The following GLIS3 variants were observed in gnomAD, a reference collection of about 807,000 sequenced individuals.
GLIS3 encodes the protein GLIS family zinc finger 3.
In GLIS3, 53 loss-of-function variants were observed where a neutral mutation model predicts 78.6. That is an observed-to-expected ratio of 0.67 (90% CI 0.54 to 0.85). The LOEUF is 0.85. GLIS3 is among the 40% of genes least tolerant of loss of function. The probability of loss-of-function intolerance (pLI) is 0.00; values close to 1 mark genes in which losing one functional copy is unlikely to be tolerated. For synonymous variants in GLIS3, 684 were observed against 509.9 expected (o/e 1.34, Z -4.60); for missense variants, 1,703 against 1,231.1 (o/e 1.38, Z -5.74).
chr9:4,386,878 G>T, the GLIS3 span, among the ~76,000 whole-genome samples: 4 of 152,106 alleles, frequency 2.6e-5, no homozygotes, highest in East Asian at 7.7e-4. Context: ...CATTTTATGA[G>T]AGTCAGAGGG....
At chr9:4,035,107 G>A (rs1482615271) in intron 4 of GLIS3, 1 of 152,168 alleles carries the variant, frequency 6.6e-6, no homozygotes, top group African/African-American at 2.4e-5. Context: ...AAAGTACTAG[G>A]AGTAGAAATA....
chr9:4,358,519 A>G, the GLIS3 span, among the ~76,000 whole-genome samples: 1 of 152,090 alleles, frequency 6.6e-6, no homozygotes, highest in Non-Finnish European at 1.5e-5. Flanking sequence ...ATTTTTGTGT[A>G]CCTACTATGT....
At chr9:3,932,823 G>A (rs1825697689) in intron 5 of GLIS3, 1 of 437,548 alleles carries the variant, frequency 2.3e-6, no homozygotes, top group Non-Finnish European at 4.6e-6. Flanking sequence ...ATAATCTTTG[G>A]TACTGTCAGA....
At chr9:4,283,799 C>T (rs944575695) in intron 2 of GLIS3, among the ~76,000 whole-genome samples, 8 of 152,194 alleles carry the variant, frequency 5.3e-5, no homozygotes, top group Non-Finnish European at 4.4e-5. Context: ...AGAAACGATA[C>T]ATTCAGCCAC....
At chr9:4,167,377 C>G (rs1416453530) in intron 2 of GLIS3, among the ~76,000 whole-genome samples, 1 of 152,058 alleles carries the variant, frequency 6.6e-6, no homozygotes, top group East Asian at 1.9e-4. Context: ...AGAGGACAAA[C>G]AGGAAAGAAA....
chr9:4,236,204 A>AAGAAAG (rs1554630097), intron 2 of GLIS3, among the ~76,000 whole-genome samples: 38 of 86,380 alleles, frequency 4.4e-4, no homozygotes, highest in African/African-American at 1.2e-3. Flanking sequence ...AAAAAAAAAA[A>AAGAAAG]AAAGAAAGAA....
At chr9:4,107,501 A>G (rs766095202) in intron 4 of GLIS3, among the ~76,000 whole-genome samples, 1 of 152,204 alleles carries the variant, frequency 6.6e-6, no homozygotes, top group Non-Finnish European at 1.5e-5. Context: ...GAGTCACTAT[A>G]CAATCATAAG....
chr9:4,291,873 T>G (rs181760687), intron 1 of GLIS3, among the ~76,000 whole-genome samples: 1 of 152,284 alleles, frequency 6.6e-6, no homozygotes, highest in African/African-American at 2.4e-5. Context: ...GTTTACTAAA[T>G]GTCACTACTT....
chr9:4,158,416 G>A (rs1333228343), intron 2 of GLIS3, among the ~76,000 whole-genome samples: 1 of 152,182 alleles, frequency 6.6e-6, no homozygotes, highest in African/African-American at 2.4e-5. Flanking sequence ...ATACCACGAT[G>A]AAGTGGGTCA....
chr9:4,178,721 T>G (rs1038503244), intron 2 of GLIS3, among the ~76,000 whole-genome samples: 5 of 152,214 alleles, frequency 3.3e-5, no homozygotes, highest in Admixed American at 6.5e-5. Context: ...GTATAGAATT[T>G]TTCCTGATGT....
chr9:3,855,282 A>C (rs1160482445), intron 9 of GLIS3, among the ~76,000 whole-genome samples: 1 of 152,208 alleles, frequency 6.6e-6, no homozygotes, highest in East Asian at 1.9e-4. Flanking sequence ...TTAGACAATC[A>C]TTACCATTTC....
Position 4,118,382 on chromosome 9 carries a change from G to T in GLIS3, c.1096C>A (p.Pro366Thr). 2 of 1,598,452 alleles carry T rather than the reference G, an allele frequency of 1.3e-6. No individual in the cohort carries two copies. Among genetic ancestry groups the T allele is most frequent in the Non-Finnish European group, 1.7e-6 (2 of 1,176,172 alleles). Residue 366 changes from proline (P) to threonine (T), a missense_variant, in exon 4 of 11, where the codon CCC becomes ACC. Transcript: ENST00000381971. The surrounding 1 kb of genome is among the most constrained non-coding windows in gnomAD (Gnocchi z 4.7). ...ACCAGCACGCCCTTCTGGCTGCCGGGCACCGGGCGCGGCTGGGGAATGCAG... is the reference window on the plus strand; with the variant it reads ...ACCAGCACGCCCTTCTGGCTGCCGGTCACCGGGCGCGGCTGGGGAATGCAG... ...GSCIPQPRPV[P>T]GSQKGVLVAP...
At chr9:4,454,672 A>G in the GLIS3 span, among the ~76,000 whole-genome samples, 1 of 151,756 alleles carries the variant, frequency 6.6e-6, no homozygotes, top group Admixed American at 6.6e-5. Context: ...TTGAAGAGCT[A>G]CTCTCCTCTA....
chr9:4,439,454 G>A, the GLIS3 span, among the ~76,000 whole-genome samples: 10 of 152,114 alleles, frequency 6.6e-5, no homozygotes, highest in Admixed American at 1.3e-4. Flanking sequence ...CCTGGCCACA[G>A]GCACTCACTT....
intron 9 of GLIS3, among the ~76,000 whole-genome samples, chr9:3,839,910 A>G (rs1293887201): frequency 6.6e-6 from 1 of 152,176 alleles, no homozygotes; most frequent in Non-Finnish European, 1.5e-5. Context: ...CAAACCCTGA[A>G]GTGTAGAAAC....
In GLIS3 at chr9:4,034,087, GGCATGGTGGT is replaced by G. The variant is rs571307405; in HGVS notation, c.1710+83671_1710+83680del. Among the ~76,000 whole-genome samples the G allele has an allele frequency of 1.7e-4, 26 of 151,968 alleles. No homozygotes were observed. In the East Asian group the frequency reaches 4.1e-3, roughly 24 times the overall value. On this transcript the variant is annotated intron_variant, in intron 4 of 10. Transcript: ENST00000381971. ...AAAAAAAAAGTTAAAAAATTGGCTG[GGCATGGTGGT>G]GCATGTCTGCAGTCCCAGTTATTCA...
At chr9:4,136,017 A>C (rs993323443) in intron 2 of GLIS3, among the ~76,000 whole-genome samples, 3 of 152,244 alleles carry the variant, frequency 2.0e-5, no homozygotes, top group African/African-American at 4.8e-5. Flanking sequence ...AGGCATGGCT[A>C]AATGGCTACG....
intron 4 of GLIS3, among the ~76,000 whole-genome samples, chr9:4,012,508 A>C (rs1822100401): frequency 6.6e-6 from 1 of 152,218 alleles, no homozygotes; most frequent in Non-Finnish European, 1.5e-5. Flanking sequence ...TGTAAAGGAC[A>C]CTGGGCACAT....
chr9:4,355,128 T>C, the GLIS3 span, among the ~76,000 whole-genome samples: 1 of 108,938 alleles, frequency 9.2e-6, no homozygotes, highest in African/African-American at 2.9e-5. Flanking sequence ...CGAGACTCCA[T>C]CTCGAAAAAA....
Sources: gnomAD v4.1 joint callset for allele counts (sites outside exome capture counted in the v4.1 genomes callset) on GRCh38, gnomAD v4.1.1 for gene constraint, Gnocchi (gnomAD v3.1) non-coding constraint, MANE v1.5 for transcripts, NCBI Gene and HGNC (gene_info 2026-07-23, HGNC 2026-07-21) for gene names.